Variants in TBCD observed in about 807,000 individuals in gnomAD.
TBCD encodes tubulin-specific chaperone D.
In TBCD, 105 loss-of-function variants were observed where a neutral mutation model predicts 169.3. The ratio of observed to expected loss-of-function variants is 0.62; its 90% CI spans 0.53 to 0.73. The LOEUF (loss-of-function observed/expected upper bound fraction) is 0.73. Ranked by LOEUF, TBCD falls within the 30% of genes least tolerant of loss-of-function variation. TBCD has a pLI of 0.00. For missense variants in TBCD, 1,444 were observed against 1,600.1 expected, an observed-to-expected ratio of 0.90 and a Z score of 1.66; for synonymous variants, 700 against 643.9, an observed-to-expected ratio of 1.09 and a Z score of -1.32.
At chr17:82,906,580 C>G (rs1319598424) in intron 20 of TBCD, among the ~76,000 whole-genome samples, 1 of 152,224 alleles carries the variant, frequency 6.6e-6, no homozygotes, top group Non-Finnish European at 1.5e-5. Flanking sequence ...TGTAAGGCAT[C>G]GACTGTCGTC....
chr17:82,941,513 G>A (rs79452663), intron 38 of TBCD, 30 bp downstream of exon 38: 4 of 1,549,770 alleles, frequency 2.6e-6, no homozygotes, highest in Middle Eastern at 1.7e-4. Flanking sequence ...AGCATGAGGT[G>A]CCTGTGCTTC....
At chr17:82,900,860 AAT>A (rs1400465325) in intron 18 of TBCD, 129 bp downstream of exon 18, 3 of 711,074 alleles carry the variant, frequency 4.2e-6, no homozygotes, top group Non-Finnish European at 7.2e-6. Context: ...TCTGAGAAGT[AAT>A]ATGAATTCCA....
At chr17:82,893,736 C>G in intron 17 of TBCD, 104 bp downstream of exon 17, 1 of 790,564 alleles carries the variant, frequency 1.3e-6, no homozygotes, top group African/African-American at 1.8e-5. Context: ...AATGTCCACT[C>G]AATGGAATGT....
chr17:82,830,522 C>G (rs146755596), intron 13 of TBCD: 1 of 1,613,904 alleles, frequency 6.2e-7, no homozygotes, highest in Non-Finnish European at 8.5e-7. Flanking sequence ...GGCTTGGTCT[C>G]AGGGTGGCTG....
intron 9 of TBCD, among the ~76,000 whole-genome samples, chr17:82,802,789 C>A (rs1444783581): frequency 6.6e-6 from 1 of 151,670 alleles, no homozygotes; most frequent in African/African-American, 2.4e-5. Flanking sequence ...GGTCCAGAGC[C>A]CCTGACACAA....
intron 24 of TBCD, chr17:82,921,250 A>G: frequency 1.8e-6 from 1 of 548,774 alleles, no homozygotes; most frequent in Non-Finnish European, 3.2e-6. Flanking sequence ...GTTTCCCAAA[A>G]TGTGATGTAT....
chr17:82,920,463 G>T lies in TBCD; in HGVS notation c.2039-93G>T, dbSNP rs890716048. 1.8e-6 allele frequency: 2 copies of T among 1,104,530 alleles called. No individual in the cohort carries two copies. Among genetic ancestry groups the T allele is most frequent in the Non-Finnish European group, 2.6e-6 (2 of 766,046 alleles). The allele number at this position is 1,104,530 out of a possible 1,614,324, so 68.4% of individuals were successfully genotyped here. ...GGCGGGTGAGGGGCAGGAGCTGGCC[G>T]CACACAACTCAGAATGTGGCAAAGG... On this transcript the variant is annotated intron_variant, in intron 23 of 38. Transcript: ENST00000355528. The surrounding 1 kb of genome is among the most constrained non-coding windows in gnomAD (Gnocchi z 4.1).
rs759299241 is a variant in TBCD at position 82,772,491 on chromosome 17, G to T, written c.622G>T (p.Ala208Ser). Residue 208 changes from alanine (A) to serine (S), a missense_variant, in exon 6 of 39, where the codon GCT (alanine) becomes TCT (serine). By Grantham distance (99) the Ala-to-Ser change is moderately conservative (BLOSUM62 1). Coordinates refer to ENST00000355528, the MANE Select transcript of TBCD (RefSeq NM_005993.5). ...CAGTGACAAGGCCCGAGATGCAGCT[G>T]CTGTCCTTGTGTCCAGGTAAGTTTC... ...IVSDKARDAA[A>S]VLVSRFITRP... 1 of 1,614,004 alleles carries T rather than the reference G, an allele frequency of 6.2e-7. No homozygotes were observed. The highest frequency in any genetic ancestry group is 8.5e-7 in the Non-Finnish European group (1 of 1,179,896).
At chr17:82,827,334 T>A (rs373664693) in intron 13 of TBCD, among the ~76,000 whole-genome samples, 36 of 152,302 alleles carry the variant, frequency 2.4e-4, no homozygotes, top group African/African-American at 8.4e-4. Flanking sequence ...ACTGCATGGT[T>A]TCCAGTGTGT....
chr17:82,816,310 G>A (rs990066847), intron 13 of TBCD, among the ~76,000 whole-genome samples: 6 of 152,138 alleles, frequency 3.9e-5, no homozygotes, highest in African/African-American at 1.4e-4. Context: ...TGTACATCTG[G>A]GTTGTTTCCA....
intron 25 of TBCD, 62 bp downstream of exon 25, chr17:82,921,639 T>C (rs548516407): frequency 6.6e-7 from 1 of 1,516,054 alleles, no homozygotes; most frequent in Non-Finnish European, 9.2e-7. Context: ...TAGTCACGGA[T>C]GGTGTTTGTG....
At chr17:82,927,401 T>C in intron 29 of TBCD, 78 bp downstream of exon 29, 6 of 1,513,288 alleles carry the variant, frequency 4.0e-6, no homozygotes, top group South Asian at 2.5e-5. Flanking sequence ...CCCGGGCTTT[T>C]CTGCAGGGAG....
chr17:82,942,099 T>A (rs2063351076), intron 38 of TBCD: 1 of 420,934 alleles, frequency 2.4e-6, no homozygotes, highest in Non-Finnish European at 4.2e-6. Context: ...GGACACAGCC[T>A]CCCCCATTTC....
At position 82,923,183 on chromosome 17, in the gene TBCD, A is replaced by G. The variant is rs2061521090; in HGVS notation, c.2179-469A>G. Reference sequence around the variant, plus strand: ...TTTTTCTTCATAACTATTTCTGGGAAAGAAAAATATGCTCCATTTTATTAT... The same window carrying G: ...TTTTTCTTCATAACTATTTCTGGGAGAGAAAAATATGCTCCATTTTATTAT... On this transcript the variant is annotated intron_variant, in intron 25 of 38. Coordinates refer to ENST00000355528, the MANE Select transcript of TBCD (RefSeq NM_005993.5). The surrounding 1 kb of genome is among the most constrained non-coding windows in gnomAD (Gnocchi z 4.6). Among the ~76,000 whole-genome samples the G allele has an allele frequency of 6.6e-6, 1 of 152,236 alleles. No homozygotes were observed. The highest frequency in any genetic ancestry group is 6.5e-5 in the Admixed American group (1 of 15,290).
intron 7 of TBCD, among the ~76,000 whole-genome samples, chr17:82,791,960 C>T (rs1025821263): frequency 2.0e-5 from 3 of 152,168 alleles, no homozygotes; most frequent in African/African-American, 7.2e-5. Flanking sequence ...CTGAATACTG[C>T]AGGGAACTGT....
At chr17:82,843,268 T>C (rs1246761669) in intron 13 of TBCD, among the ~76,000 whole-genome samples, 1 of 139,984 alleles carries the variant, frequency 7.1e-6, no homozygotes, top group Non-Finnish European at 1.6e-5. Context: ...CAGCTGTCTG[T>C]GTTCCCTTCC....
At chr17:82,935,520 C>T (rs2062550004) in intron 34 of TBCD, among the ~76,000 whole-genome samples, 1 of 146,556 alleles carries the variant, frequency 6.8e-6, no homozygotes. Context: ...AGTAGAATTG[C>T]TTTTGTCATT....
chr17:82,928,477 G>A (rs942940063), intron 30 of TBCD, among the ~76,000 whole-genome samples: 9 of 151,322 alleles, frequency 5.9e-5, no homozygotes, highest in Admixed American at 2.6e-4. Flanking sequence ...CCTTTCTGTC[G>A]GTCTCTCTGT....
chr17:82,845,674 A>T (rs1363067245), intron 13 of TBCD, among the ~76,000 whole-genome samples: 1 of 152,012 alleles, frequency 6.6e-6, no homozygotes, highest in East Asian at 1.9e-4. Flanking sequence ...CCGCAGCAGC[A>T]TCCTCTCCAG....
Sources: allele counts gnomAD v4.1 joint callset (sites outside exome capture counted in the v4.1 genomes callset), GRCh38; gene constraint gnomAD v4.1.1; non-coding constraint Gnocchi (gnomAD v3.1); transcripts MANE v1.5; gene names NCBI Gene and HGNC (gene_info 2026-07-23, HGNC 2026-07-21).